BCAR3: variants seen among roughly 807,000 people sequenced by gnomAD.
BCAR3 encodes breast cancer anti-estrogen resistance protein 3.
In BCAR3, 37 loss-of-function variants were observed where a neutral mutation model predicts 80.1. That is an observed-to-expected ratio of 0.46 (90% confidence interval 0.36 to 0.61). The LOEUF is 0.61. Ranked by LOEUF, BCAR3 falls within the 20% of genes least tolerant of loss-of-function variation. The probability of loss-of-function intolerance (pLI) is 0.00; values close to 1 mark genes in which losing one functional copy is unlikely to be tolerated. For missense variants in BCAR3, 978 were observed against 1,068.2 expected (o/e 0.92, Z 1.18); for synonymous variants, 389 against 418.9 (o/e 0.93, Z 0.87).
intron 8 of BCAR3, among the ~76,000 whole-genome samples, chr1:93,573,616 T>TTGG (rs1557838231): frequency 3.6e-5 from 5 of 140,430 alleles, no homozygotes; most frequent in African/African-American, 1.1e-4. Context: ...ATTTTTATTA[T>TTGG]TATTATTATT....
At chr1:93,627,981 A>T (rs1675500856) in intron 3 of BCAR3, among the ~76,000 whole-genome samples, 1 of 152,192 alleles carries the variant, frequency 6.6e-6, no homozygotes, top group Admixed American at 6.5e-5. Context: ...TATTAGAAAA[A>T]AATTAGAAAC....
chr1:93,805,095 C>T (rs1169325158), intron 2 of BCAR3, among the ~76,000 whole-genome samples: 1 of 152,110 alleles, frequency 6.6e-6, no homozygotes, highest in East Asian at 1.9e-4. Context: ...TATACATTTG[C>T]TACAATTAAA....
chr1:93,729,974 TC>T (rs1650725525), intron 2 of BCAR3, among the ~76,000 whole-genome samples: 1 of 152,230 alleles, frequency 6.6e-6, no homozygotes, highest in African/African-American at 2.4e-5. Context: ...AAAGCATAAA[TC>T]TATTATCAAA....
chr1:93,699,220 C>A (rs1410101456), intron 3 of BCAR3, among the ~76,000 whole-genome samples: 2 of 152,242 alleles, frequency 1.3e-5, no homozygotes, highest in Non-Finnish European at 2.9e-5. Context: ...TCCCCTCTGT[C>A]TGGCTCCGAC....
At chr1:93,739,854 G>A (rs1303737385) in intron 2 of BCAR3, among the ~76,000 whole-genome samples, 1 of 152,068 alleles carries the variant, frequency 6.6e-6, no homozygotes, top group African/African-American at 2.4e-5. Flanking sequence ...GGCCAACATG[G>A]TGAAACCCCG....
Position 93,589,278 on chromosome 1 carries a change from C to G in BCAR3, c.628G>C (p.Glu210Gln), listed in dbSNP as rs113172289. 2.0e-4 allele frequency: 328 copies of G among 1,614,064 alleles called. No homozygotes were observed. The highest frequency in any genetic ancestry group is 2.7e-4 in the Non-Finnish European group (319 of 1,180,040). ...KINRTVLRLSEAYSRVQYQFE... is the reference protein window; with the variant it reads ...KINRTVLRLSQAYSRVQYQFE... ...TGGTACTGCACGCGGCTGTAGGCCT[C>G]GCTGAGTCGCAGAACTGTCCGGTTG... The change falls in exon 5 of 12, where the codon GAG becomes CAG. Residue 210 changes from glutamate to glutamine, a missense_variant. Transcript: ENST00000260502.
intron 2 of BCAR3, among the ~76,000 whole-genome samples, chr1:93,644,182 A>G (rs1440955150): frequency 6.6e-6 from 1 of 152,252 alleles, no homozygotes; most frequent in African/African-American, 2.4e-5. Context: ...ATCTCTAGTA[A>G]CATAGCTAAA....
At position 93,691,986 on chromosome 1, in the gene BCAR3, T is replaced by C. The variant is rs150200638; in HGVS notation, c.-12+14106A>G. Among the ~76,000 whole-genome samples the C allele has an allele frequency of 5.3e-3, 800 of 152,342 alleles. 7 individuals are homozygous for C. The highest frequency in any genetic ancestry group is 0.019 in the African/African-American group (775 of 41,578). ...CTATTCTCTCTACTTTTGCATATGG[T>C]TGAAAAATGCCATGATGAAAAGTTA... On this transcript the variant is annotated intron_variant, in intron 3 of 13. Transcript: ENST00000370244.
chr1:93,680,396 C>A (rs923355214), intron 1 of BCAR3, among the ~76,000 whole-genome samples: 1 of 152,156 alleles, frequency 6.6e-6, no homozygotes, highest in Non-Finnish European at 1.5e-5. Context: ...CCCCCTGGCA[C>A]GCCCGCAGAC....
At chr1:93,827,432 G>A (rs1654410267) in intron 2 of BCAR3, among the ~76,000 whole-genome samples, 2 of 152,056 alleles carry the variant, frequency 1.3e-5, no homozygotes, top group Admixed American at 1.3e-4. Context: ...TACATAGCAG[G>A]GGAGTCTAGC....
intron 2 of BCAR3, among the ~76,000 whole-genome samples, chr1:93,730,544 A>G (rs1282308590): frequency 1.3e-5 from 2 of 152,194 alleles, no homozygotes; most frequent in Middle Eastern, 3.2e-3. Context: ...TTACATGTTT[A>G]TACACATACG....
Position 93,592,375 on chromosome 1 carries a change from T to C in BCAR3, c.376A>G (p.Ile126Val), listed in dbSNP as rs1216288045. 6.2e-7 allele frequency: 1 copy of C among 1,602,478 alleles called. No individual in the cohort carries two copies. The highest frequency in any genetic ancestry group is 1.7e-5 in the Admixed American group (1 of 59,568). Residue 126 changes from isoleucine to valine, a missense_variant, in exon 4 of 12, where the codon ATC (isoleucine) becomes GTC (valine). Transcript: ENST00000260502. This position sits in a 1 kb window ranked among gnomAD's most constrained non-coding sequence, Gnocchi z 4.8. ...EYVKFSKERH[I>V]MDRTPEKLKK... ...AGTTTCTCGGGGGTCCTGTCCATGA[T>C]GTGCCTCTCCTTGGAGAACTGCAAC...
At chr1:93,755,853 A>G (rs1349848566) in intron 2 of BCAR3, among the ~76,000 whole-genome samples, 1 of 152,232 alleles carries the variant, frequency 6.6e-6, no homozygotes, top group African/African-American at 2.4e-5. Context: ...ATATCTAATG[A>G]CAGGGACTTT....
At chr1:93,688,993 T>C (rs1359317979) in intron 3 of BCAR3, among the ~76,000 whole-genome samples, 1 of 152,190 alleles carries the variant, frequency 6.6e-6, no homozygotes, top group African/African-American at 2.4e-5. Flanking sequence ...CAAAAACATA[T>C]TTTAAAAATA....
In BCAR3 at chr1:93,674,983, G is replaced by C. The variant is rs1648406126; in HGVS notation, c.-11-42C>G. 5 of 1,447,352 alleles carry C rather than the reference G, an allele frequency of 3.5e-6. No homozygotes were observed. The African/African-American group carries it at 5.8e-5, about 17-fold the overall frequency. The allele number at this position is 1,447,352 out of a possible 1,614,324, so 89.7% of individuals were successfully genotyped here. On this transcript the variant is annotated intron_variant, in intron 1 of 11. Coordinates refer to ENST00000260502, the MANE Select transcript of BCAR3 (RefSeq NM_003567.4). ...AGAGTGAAGGTATAAATCTATGAGA[G>C]TCACAAGAACTGACTTCCTACTTAC... is the stretch of plus-strand genomic sequence containing the variant.
At chr1:93,642,482 G>C in intron 2 of BCAR3, 139 bp from the exon 3 acceptor site, 1 of 763,350 alleles carries the variant, frequency 1.3e-6, no homozygotes, top group Admixed American at 2.1e-5. Context: ...TTCACAACAG[G>C]GTGTGTGTGG....
intron 3 of BCAR3, chr1:93,598,969 A>G (rs1049813008): frequency 1.3e-5 from 2 of 152,142 alleles, no homozygotes; most frequent in Non-Finnish European, 2.9e-5. Context: ...AGAGGGCTAA[A>G]GCATGCGAAG....
intron 2 of BCAR3, chr1:93,845,508 T>TATCTCA (rs1655144928): frequency 3.5e-5 from 2 of 56,398 alleles, no homozygotes; most frequent in Admixed American, 2.2e-4. Context: ...ATATAAAACT[T>TATCTCA]TGTTTACATT....
chr1:93,813,125 C>A (rs1339169544), intron 2 of BCAR3, among the ~76,000 whole-genome samples: 1 of 152,126 alleles, frequency 6.6e-6, no homozygotes, highest in Non-Finnish European at 1.5e-5. Flanking sequence ...CTGGAATGCT[C>A]CCTGTGTCCC....
Sources: allele counts gnomAD v4.1 joint callset (sites outside exome capture counted in the v4.1 genomes callset), GRCh38; gene constraint gnomAD v4.1.1; non-coding constraint Gnocchi (gnomAD v3.1); transcripts MANE v1.5; gene names NCBI Gene and HGNC (gene_info 2026-07-23, HGNC 2026-07-21).